Variants in PIP5K1B observed in about 807,000 individuals in gnomAD.
PIP5K1B encodes the protein phosphatidylinositol 4-phosphate 5-kinase type-1 beta.
In PIP5K1B, 42 loss-of-function variants were observed where a neutral mutation model predicts 67.0. The observed-to-expected ratio is 0.63, with a 90% CI of 0.49 to 0.81. The LOEUF is 0.81. Among genes scored for constraint, PIP5K1B ranks in the 30% least tolerant of loss-of-function variants. The probability of loss-of-function intolerance (pLI) is 0.00; values close to 1 mark genes in which losing one functional copy is unlikely to be tolerated. For missense variants in PIP5K1B, 459 were observed against 646.3 expected, an observed-to-expected ratio of 0.71 and a Z score of 3.14; for synonymous variants, 214 against 231.4, an observed-to-expected ratio of 0.92 and a Z score of 0.68.
At chr9:68,903,383 T>A (rs80296586) in intron 8 of PIP5K1B, among the ~76,000 whole-genome samples, 9,852 of 152,300 alleles carry the variant, frequency 0.065, 626 homozygotes, top group East Asian at 0.37. Context: ...CATTGTGAAT[T>A]TGTGGATTAA....
At chr9:69,002,986 AAAT>A (rs1025758103) in intron 15 of PIP5K1B, among the ~76,000 whole-genome samples, 2 of 152,156 alleles carry the variant, frequency 1.3e-5, no homozygotes, top group African/African-American at 4.8e-5. Context: ...CTGTCTCAAA[AAAT>A]AATAATAAAA....
intron 2 of PIP5K1B, among the ~76,000 whole-genome samples, chr9:68,774,005 T>C (rs763111453): frequency 6.6e-6 from 1 of 152,192 alleles, no homozygotes; most frequent in Non-Finnish European, 1.5e-5. Flanking sequence ...GCTACTTTAA[T>C]TCTGTTCCAT....
At chr9:68,780,061 T>A in intron 2 of PIP5K1B, 1 of 1,412,010 alleles carries the variant, frequency 7.1e-7, no homozygotes, top group Admixed American at 3.1e-5. Flanking sequence ...GCCAGCCCGC[T>A]GACAGATTCT....
At chr9:68,756,417 T>G (rs1829928105) in intron 2 of PIP5K1B, among the ~76,000 whole-genome samples, 1 of 152,258 alleles carries the variant, frequency 6.6e-6, no homozygotes. Context: ...GTGTATTCAT[T>G]CTTCATTTAC....
In PIP5K1B at chr9:68,804,255, G is replaced by A. The variant is rs140540467; in HGVS notation, c.-85-14206G>A. Among the ~76,000 whole-genome samples, 657 of 152,186 alleles carry A rather than the reference G, an allele frequency of 4.3e-3. 3 individuals are homozygous for A. The highest frequency in any genetic ancestry group is 6.9e-3 in the Non-Finnish European group (466 of 67,988). On this transcript the variant is annotated intron_variant, in intron 2 of 15. Transcript: ENST00000265382. ...AAGAGCCAGATGAGGGAAAGTAGTC[G>A]ATTCAGGAAAAAGAGTATCTGATAA...
chr9:68,801,243 A>G (rs1287119974), intron 2 of PIP5K1B, among the ~76,000 whole-genome samples: 1 of 152,190 alleles, frequency 6.6e-6, no homozygotes, highest in Admixed American at 6.5e-5. Context: ...TATCCAAGGG[A>G]AAATAACAAG....
At chr9:68,860,427 T>C (rs1823001841) in intron 4 of PIP5K1B, among the ~76,000 whole-genome samples, 1 of 152,190 alleles carries the variant, frequency 6.6e-6, no homozygotes, top group South Asian at 2.1e-4. Context: ...TTAACGATGG[T>C]GTTTGTACAG....
chr9:68,970,363 G>A (rs1829295084), intron 14 of PIP5K1B, among the ~76,000 whole-genome samples: 1 of 152,208 alleles, frequency 6.6e-6, no homozygotes, highest in Non-Finnish European at 1.5e-5. Context: ...TATTCATTGT[G>A]TACTTGTAAC....
intron 14 of PIP5K1B, among the ~76,000 whole-genome samples, chr9:68,960,600 T>G (rs2132739826): frequency 6.6e-6 from 1 of 152,324 alleles, no homozygotes; most frequent in Non-Finnish European, 1.5e-5. Flanking sequence ...GTCTTTTTAC[T>G]CTATTTTTTG....
chr9:68,924,279 G>A (rs1826565538), intron 12 of PIP5K1B, among the ~76,000 whole-genome samples: 1 of 146,358 alleles, frequency 6.8e-6, no homozygotes, highest in Non-Finnish European at 1.5e-5. Flanking sequence ...GTATGCACCT[G>A]TAATCCTAAC....
chr9:68,771,300 C>T (rs1830660097), intron 2 of PIP5K1B, among the ~76,000 whole-genome samples: 1 of 152,180 alleles, frequency 6.6e-6, no homozygotes, highest in South Asian at 2.1e-4. Flanking sequence ...TTTATAAACT[C>T]GCTAGTATCT....
At chr9:68,823,211 A>G (rs754521533) in intron 4 of PIP5K1B, among the ~76,000 whole-genome samples, 11 of 152,236 alleles carry the variant, frequency 7.2e-5, no homozygotes, top group East Asian at 5.8e-4. Context: ...ACTTGAATTC[A>G]TTTTTGCCTT....
chr9:68,721,263 G>T (rs1827868243), intron 1 of PIP5K1B, among the ~76,000 whole-genome samples: 1 of 152,234 alleles, frequency 6.6e-6, no homozygotes, highest in South Asian at 2.1e-4. Context: ...GGATGAATTA[G>T]AAGGGTAAGA....
At chr9:68,932,172 C>T (rs1330907162) in intron 12 of PIP5K1B, among the ~76,000 whole-genome samples, 1 of 152,154 alleles carries the variant, frequency 6.6e-6, no homozygotes, top group African/African-American at 2.4e-5. Flanking sequence ...CCTCATTACA[C>T]GGCTCTCACC....
intron 11 of PIP5K1B, among the ~76,000 whole-genome samples, chr9:68,921,005 G>C (rs1234262517): frequency 6.6e-6 from 1 of 152,138 alleles, no homozygotes; most frequent in African/African-American, 2.4e-5. Context: ...AATTATAGAT[G>C]ATCTTCTTCT....
chr9:68,762,847 A>C (rs1414919545), intron 2 of PIP5K1B, among the ~76,000 whole-genome samples: 1 of 152,092 alleles, frequency 6.6e-6, no homozygotes, highest in African/African-American at 2.4e-5. Flanking sequence ...TGGGGATACT[A>C]TCCTTAGAGC....
At chr9:68,877,379 T>C (rs1384748569) in intron 6 of PIP5K1B, among the ~76,000 whole-genome samples, 1 of 152,194 alleles carries the variant, frequency 6.6e-6, no homozygotes, top group Non-Finnish European at 1.5e-5. Context: ...TTGTAAGAGG[T>C]AGTCTGATGT....
intron 14 of PIP5K1B, among the ~76,000 whole-genome samples, chr9:68,985,860 G>A (rs954386590): frequency 1.3e-5 from 2 of 152,250 alleles, no homozygotes; most frequent in Non-Finnish European, 2.9e-5. Context: ...ATGAAATTAT[G>A]TAATATGTGG....
chr9:69,002,216 G>A (rs1446384260), intron 15 of PIP5K1B, among the ~76,000 whole-genome samples: 2 of 152,226 alleles, frequency 1.3e-5, no homozygotes, highest in Non-Finnish European at 2.9e-5. Flanking sequence ...CATCCTTCAA[G>A]GATGGCGAAA....
Sources: allele counts gnomAD v4.1 joint callset (sites outside exome capture counted in the v4.1 genomes callset), GRCh38; gene constraint gnomAD v4.1.1; transcripts MANE v1.5; gene names NCBI Gene and HGNC (gene_info 2026-07-23, HGNC 2026-07-21).